The following XPNPEP1 variants were observed in gnomAD, a reference collection of about 807,000 sequenced individuals.
XPNPEP1 encodes X-prolyl aminopeptidase 1, also known as xaa-Pro aminopeptidase 1.
A neutral mutation model predicts 92.4 loss-of-function variants in XPNPEP1; 39 were observed. That is an observed-to-expected ratio of 0.42 (90% CI 0.33 to 0.55). The LOEUF is 0.55. XPNPEP1 is among the 20% of genes least tolerant of loss of function. The pLI is 0.08. For missense variants in XPNPEP1, 654 were observed against 856.1 expected, an observed-to-expected ratio of 0.76 and a Z score of 2.95; for synonymous variants, 307 against 299.4, an observed-to-expected ratio of 1.03 and a Z score of -0.26.
At chr10:109,870,096 T>C (rs535979881) in intron 18 of XPNPEP1, 67 bp from the exon 19 acceptor site, 385 of 1,553,948 alleles carry the variant, frequency 2.5e-4, no homozygotes, top group Middle Eastern at 2.4e-3. Context: ...AGAGAAACTT[T>C]CACTCCTTGG....
At chr10:109,869,432 C>T (rs535162157) in intron 19 of XPNPEP1, among the ~76,000 whole-genome samples, 1 of 152,280 alleles carries the variant, frequency 6.6e-6, no homozygotes, top group East Asian at 1.9e-4. Flanking sequence ...TCTTGTATTG[C>T]CTTTGAGGCT....
Position 109,865,369 on chromosome 10 carries a change from T to C in XPNPEP1, c.1873-57A>G, listed in dbSNP as rs1847081320. ...CACCACTACATCTTTAACAACTGGCTACACAGGTCAACAGCAAAGGCCCCC... is the reference window on the plus strand; with the variant it reads ...CACCACTACATCTTTAACAACTGGCCACACAGGTCAACAGCAAAGGCCCCC... On this transcript the variant is annotated intron_variant, in intron 20 of 20. Transcript: ENST00000502935. 1.9e-6 allele frequency: 3 copies of C among 1,608,790 alleles called. No individual in the cohort carries two copies. In the Admixed American group the frequency reaches 5.0e-5, roughly 27 times the overall value.
At chr10:109,917,099 A>G (rs960105903) in intron 1 of XPNPEP1, among the ~76,000 whole-genome samples, 2 of 152,060 alleles carry the variant, frequency 1.3e-5, no homozygotes, top group African/African-American at 2.4e-5. Context: ...TACTCTTGGC[A>G]TTTCTATTCA....
chr10:109,899,109 T>A (rs1849138791), intron 3 of XPNPEP1, among the ~76,000 whole-genome samples: 1 of 152,206 alleles, frequency 6.6e-6, no homozygotes, highest in African/African-American at 2.4e-5. Context: ...TATAAGTTAT[T>A]GGCATTTTTT....
chr10:109,913,555 C>A (rs1300940048), intron 2 of XPNPEP1, among the ~76,000 whole-genome samples: 1 of 152,212 alleles, frequency 6.6e-6, no homozygotes, highest in Non-Finnish European at 1.5e-5. Flanking sequence ...TCACAACAAT[C>A]CTCCAAGGGA....
intron 19 of XPNPEP1, among the ~76,000 whole-genome samples, chr10:109,869,488 C>T (rs1347863023): frequency 2.0e-5 from 3 of 152,160 alleles, no homozygotes; most frequent in Non-Finnish European, 1.5e-5. Context: ...TAATAAAAGT[C>T]ACCTGGGGAG....
intron 3 of XPNPEP1, among the ~76,000 whole-genome samples, chr10:109,897,710 G>C (rs1157894923): frequency 6.6e-6 from 1 of 150,810 alleles, no homozygotes; most frequent in Non-Finnish European, 1.5e-5. Flanking sequence ...CTGGAGTGCA[G>C]TGGCGCAATC....
chr10:109,921,428 T>G (rs1400355753), intron 1 of XPNPEP1, among the ~76,000 whole-genome samples: 2 of 152,176 alleles, frequency 1.3e-5, no homozygotes, highest in Non-Finnish European at 1.5e-5. Flanking sequence ...CTTTCAATCT[T>G]TGTATAAGAT....
At chr10:109,912,195 C>A (rs1414045908) in intron 2 of XPNPEP1, among the ~76,000 whole-genome samples, 1 of 152,190 alleles carries the variant, frequency 6.6e-6, no homozygotes, top group Non-Finnish European at 1.5e-5. Flanking sequence ...ATGCTACCTA[C>A]CCCCATCAAC....
At chr10:109,871,922 T>C in intron 16 of XPNPEP1, 61 bp from the exon 17 acceptor site, 1 of 1,507,698 alleles carries the variant, frequency 6.6e-7, no homozygotes. Context: ...CCTGTAGTTT[T>C]CTGGTAGTTC....
Position 109,869,994 on chromosome 10 carries a change from G to C in XPNPEP1, c.1732C>G (p.Arg578Gly). 1 of 1,614,096 alleles carries C rather than the reference G, an allele frequency of 6.2e-7. No homozygotes were observed. Among genetic ancestry groups the C allele is most frequent in the Non-Finnish European group, 8.5e-7 (1 of 1,180,012 alleles). Reference sequence around the variant, plus strand: ...ACCACAAGGACAACATTCTCAATGCGAATTCCAAAAGCCCCATCTTCATAG... The same window carrying C: ...ACCACAAGGACAACATTCTCAATGCCAATTCCAAAAGCCCCATCTTCATAG... ...GYYEDGAFGI[R>G]IENVVLVVPV... is the part of the protein sequence containing the mutation. The change falls in exon 19 of 21, where the codon CGC becomes GGC. Residue 578 changes from arginine (R) to glycine (G), a missense_variant. Physicochemically the swap from Arg to Gly is moderately radical, Grantham distance 125. Transcript: ENST00000502935.
chr10:109,894,322 A>G (rs1175476851), intron 3 of XPNPEP1, among the ~76,000 whole-genome samples: 1 of 151,900 alleles, frequency 6.6e-6, no homozygotes, highest in Non-Finnish European at 1.5e-5. Context: ...GCTTGAGCCC[A>G]GGAACTCGAG....
chr10:109,916,182 G>A (rs374871329), intron 1 of XPNPEP1, among the ~76,000 whole-genome samples: 1 of 152,212 alleles, frequency 6.6e-6, no homozygotes, highest in East Asian at 1.9e-4. Context: ...TTCATATGGG[G>A]TAGCCAGGGA....
intron 10 of XPNPEP1, among the ~76,000 whole-genome samples, chr10:109,882,076 T>C (rs768720062): frequency 1.9e-4 from 29 of 152,228 alleles, no homozygotes; most frequent in Non-Finnish European, 3.4e-4. Flanking sequence ...AGACCATCTT[T>C]AAATCAGCTT....
intron 3 of XPNPEP1, among the ~76,000 whole-genome samples, chr10:109,903,465 C>A (rs1169438175): frequency 6.6e-6 from 1 of 152,172 alleles, no homozygotes; most frequent in Non-Finnish European, 1.5e-5. Flanking sequence ...GTTGCGGGAA[C>A]CACCATCTGC....
At position 109,890,023 on chromosome 10, in the gene XPNPEP1, A is replaced by G. The variant is rs983974306; in HGVS notation, c.416-1428T>C. ...AACTTTCACAGGATGAAGTCATGTC[A>G]TTTCCTAGCAGACAGATCTTCGGCA... On this transcript the variant is annotated intron_variant, in intron 5 of 20. Transcript: ENST00000502935. Among the ~76,000 whole-genome samples the G allele has an allele frequency of 2.6e-5, 4 of 152,180 alleles. No homozygotes were observed. In the South Asian group the frequency reaches 6.2e-4, roughly 24 times the overall value.
intron 11 of XPNPEP1, 124 bp downstream of exon 11, chr10:109,880,718 G>T: frequency 1.2e-6 from 1 of 826,612 alleles, no homozygotes; most frequent in Non-Finnish European, 1.9e-6. Context: ...CTCCTGGAAG[G>T]CCAGGAGGCT....
intron 15 of XPNPEP1, among the ~76,000 whole-genome samples, chr10:109,874,676 A>G (rs1847678269): frequency 2.0e-5 from 3 of 152,222 alleles, no homozygotes; most frequent in Admixed American, 1.3e-4. Context: ...TCGGCTGGGC[A>G]CAGTGGCTCA....
At chr10:109,911,960 T>A (rs1390766115) in intron 2 of XPNPEP1, among the ~76,000 whole-genome samples, 1 of 152,142 alleles carries the variant, frequency 6.6e-6, no homozygotes, top group Non-Finnish European at 1.5e-5. Context: ...ACACAACCAA[T>A]CATGAGCACA....
Sources: gnomAD v4.1 joint callset for allele counts (sites outside exome capture counted in the v4.1 genomes callset) on GRCh38, gnomAD v4.1.1 for gene constraint, MANE v1.5 for transcripts, NCBI Gene and HGNC (gene_info 2026-07-23, HGNC 2026-07-21) for gene names.